The following ROBO2 variants were observed in gnomAD, a reference collection of about 807,000 sequenced individuals.
ROBO2 encodes roundabout homolog 2.
ROBO2 carries 53 observed loss-of-function variants against 160.8 expected under a neutral mutation model. That is an observed-to-expected ratio of 0.33 (90% confidence interval 0.26 to 0.41). The LOEUF (loss-of-function observed/expected upper bound fraction) is 0.41, where lower values mean the gene tolerates loss of function less well. Among genes scored for constraint, ROBO2 ranks in the 10% least tolerant of loss-of-function variants. ROBO2 has a pLI of 1.00. For synonymous variants in ROBO2, 664 were observed against 611.7 expected (o/e 1.09, Z -1.26); for missense variants, 1,577 against 1,722.4 (o/e 0.92, Z 1.49).
intron 2 of ROBO2, among the ~76,000 whole-genome samples, chr3:76,147,124 T>TA (rs1055034206): frequency 4.7e-5 from 7 of 149,944 alleles, no homozygotes; most frequent in African/African-American, 1.5e-4. Context: ...AAAGAAAAGT[T>TA]AAAAAAAGGA....
At chr3:75,989,578 A>G (rs912153572) in intron 2 of ROBO2, among the ~76,000 whole-genome samples, 12 of 152,226 alleles carry the variant, frequency 7.9e-5, no homozygotes, top group African/African-American at 2.4e-4. Flanking sequence ...ATAGAAGTAA[A>G]TAACTTCTTA....
At chr3:77,428,791 G>A (rs2078480457) in intron 2 of ROBO2, among the ~76,000 whole-genome samples, 1 of 152,136 alleles carries the variant, frequency 6.6e-6, no homozygotes. Flanking sequence ...TAGTAGTCAT[G>A]TTGATCTATT....
chr3:76,400,308 G>T (rs1007083554), intron 2 of ROBO2, among the ~76,000 whole-genome samples: 1 of 151,526 alleles, frequency 6.6e-6, no homozygotes, highest in African/African-American at 2.4e-5. Flanking sequence ...ATTAATATTT[G>T]TAGATTCTCT....
chr3:77,001,368 T>C (rs982891965), intron 2 of ROBO2, among the ~76,000 whole-genome samples: 1 of 152,174 alleles, frequency 6.6e-6, no homozygotes, highest in African/African-American at 2.4e-5. Context: ...GGTCAACATA[T>C]GCTCTAAATT....
chr3:76,740,345 T>G (rs1394512787), intron 2 of ROBO2, among the ~76,000 whole-genome samples: 2 of 152,222 alleles, frequency 1.3e-5, no homozygotes, highest in Non-Finnish European at 2.9e-5. Context: ...CTGTCTGCTA[T>G]GTTGCGTTAT....
intron 2 of ROBO2, among the ~76,000 whole-genome samples, chr3:76,411,477 G>A (rs1327029259): frequency 6.6e-6 from 1 of 152,056 alleles, no homozygotes; most frequent in South Asian, 2.1e-4. Context: ...GTATTATCTT[G>A]CCTTGAGTAA....
chr3:77,513,558 T>C (rs1030184974), intron 5 of ROBO2, among the ~76,000 whole-genome samples: 50 of 152,034 alleles, frequency 3.3e-4, no homozygotes, highest in Admixed American at 1.3e-3. Context: ...TTGAAGTGCT[T>C]TTAAGATTAT....
intron 2 of ROBO2, among the ~76,000 whole-genome samples, chr3:76,621,110 A>G: frequency 6.7e-6 from 1 of 148,744 alleles, no homozygotes; most frequent in East Asian, 2.0e-4. Flanking sequence ...AAACACATAC[A>G]CATATCTTTT....
chr3:76,808,151 C>T (rs919708533), intron 2 of ROBO2, among the ~76,000 whole-genome samples: 3 of 151,944 alleles, frequency 2.0e-5, no homozygotes, highest in African/African-American at 7.3e-5. Flanking sequence ...TACAAAAGTA[C>T]AATATCCAAC....
Position 76,960,467 on chromosome 3 carries a change from T to G in ROBO2, c.110-137547T>G, listed in dbSNP as rs565438930. On this transcript the variant is annotated intron_variant, in intron 2 of 26. Transcript: ENST00000487694. ...TCTGTATCTATATATATATAGCATG[T>G]AAATTAACCTTCAATAAATGCTTTA... 8.5e-4 allele frequency among the ~76,000 whole-genome samples: 129 copies of G among 152,260 alleles called. 1 individual carries two copies. Among genetic ancestry groups the G allele is most frequent in the Non-Finnish European group, 1.6e-4 (11 of 67,978 alleles).
At chr3:77,328,476 A>T (rs1489386973) in intron 2 of ROBO2, among the ~76,000 whole-genome samples, 1 of 152,212 alleles carries the variant, frequency 6.6e-6, no homozygotes, top group Non-Finnish European at 1.5e-5. Context: ...CCAAACCTAA[A>T]GTTCTAATCT....
intron 15 of ROBO2, 92 bp from the exon 17 acceptor site, chr3:77,579,855 T>C: frequency 8.4e-7 from 1 of 1,190,746 alleles, no homozygotes; most frequent in East Asian, 2.4e-5. Flanking sequence ...ATAGACAGGT[T>C]ATGATTAAAA....
At chr3:76,599,295 G>C (rs1177159978) in intron 2 of ROBO2, among the ~76,000 whole-genome samples, 2 of 152,016 alleles carry the variant, frequency 1.3e-5, no homozygotes, top group Non-Finnish European at 2.9e-5. Context: ...TCATCATTTA[G>C]CTCCCACTTA....
intron 2 of ROBO2, among the ~76,000 whole-genome samples, chr3:77,353,287 T>C (rs1023382271): frequency 6.6e-6 from 1 of 152,130 alleles, no homozygotes; most frequent in Non-Finnish European, 1.5e-5. Context: ...GTGTAAAAGA[T>C]TTGAGCAATT....
intron 2 of ROBO2, among the ~76,000 whole-genome samples, chr3:76,645,430 C>A (rs1002349948): frequency 1.3e-5 from 2 of 152,146 alleles, no homozygotes; most frequent in Admixed American, 6.5e-5. Flanking sequence ...ACTTTTTGTT[C>A]AGAGAACTGA....
chr3:76,729,813 T>G (rs893763117), intron 2 of ROBO2, among the ~76,000 whole-genome samples: 1 of 152,110 alleles, frequency 6.6e-6, no homozygotes, highest in Non-Finnish European at 1.5e-5. Flanking sequence ...AATTTTTGTT[T>G]TTTTAGTAGA....
intron 2 of ROBO2, among the ~76,000 whole-genome samples, chr3:76,989,957 T>C (rs1185736908): frequency 6.6e-6 from 1 of 152,176 alleles, no homozygotes; most frequent in Non-Finnish European, 1.5e-5. Flanking sequence ...AATCCTATTA[T>C]TAGCATTAAA....
chr3:76,701,587 G>T lies in ROBO2; in HGVS notation c.110-396427G>T, dbSNP rs141413640. Among the ~76,000 whole-genome samples, 1,112 of 151,968 alleles carry T rather than the reference G, an allele frequency of 7.3e-3. 5 individuals are homozygous for T. The highest frequency in any genetic ancestry group is 0.014 in the Middle Eastern group (4 of 292). ...CTTGCTCTTGAAAAAGGCAATGATG[G>T]GCACATGTAGTCTAATCACATTTCA... is the stretch of plus-strand genomic sequence containing the variant. On this transcript the variant is annotated intron_variant, in intron 2 of 26. Transcript: ENST00000487694.
At chr3:76,997,792 T>A (rs2061105581) in intron 2 of ROBO2, among the ~76,000 whole-genome samples, 1 of 152,188 alleles carries the variant, frequency 6.6e-6, no homozygotes, top group Admixed American at 6.6e-5. Flanking sequence ...TACGAAGCTG[T>A]GGATCTGCAG....
Sources: gnomAD v4.1 joint callset for allele counts (sites outside exome capture counted in the v4.1 genomes callset) on GRCh38, gnomAD v4.1.1 for gene constraint, MANE v1.5 for transcripts, NCBI Gene and HGNC (gene_info 2026-07-23, HGNC 2026-07-21) for gene names.